The following ANO10 variants were observed in gnomAD, a reference collection of about 807,000 sequenced individuals.
ANO10 encodes anoctamin-10.
Under a neutral mutation model 74.7 loss-of-function variants are expected in ANO10, and 77 were observed. That is an observed-to-expected ratio of 1.03 (90% CI 0.86 to 1.25). The LOEUF (loss-of-function observed/expected upper bound fraction) is 1.25. Ranked by LOEUF, ANO10 falls within the 50% of genes most tolerant of loss-of-function variation. The probability of loss-of-function intolerance (pLI) is 0.00; values close to 1 mark genes in which losing one functional copy is unlikely to be tolerated. For synonymous variants in ANO10, 279 were observed against 284.9 expected, an observed-to-expected ratio of 0.98 and a Z score of 0.21; for missense variants, 721 against 778.1, an observed-to-expected ratio of 0.93 and a Z score of 0.87.
chr3:43,526,323 A>C (rs2078194657), intron 11 of ANO10, among the ~76,000 whole-genome samples: 1 of 152,190 alleles, frequency 6.6e-6, no homozygotes, highest in African/African-American at 2.4e-5. Flanking sequence ...CTGGATTTAG[A>C]TATGCAACAT....
chr3:43,636,240 A>ATAGGAGACACCTGCACATCAGTGTCAGTG (rs2083609530), intron 1 of ANO10: 1 of 152,266 alleles, frequency 6.6e-6, no homozygotes, highest in Non-Finnish European at 1.5e-5. Flanking sequence ...AGCAACCAGC[A>ATAGGAGACACCTGCACATCAGTGTCAGTG]TAGGAGACAC....
rs573514682 is a variant in ANO10 at position 43,635,961 on chromosome 3, G to A, written c.-11-30098C>T. 1.1e-3 allele frequency among the ~76,000 whole-genome samples: 161 copies of A among 151,694 alleles called. 1 individual carries two copies. Among genetic ancestry groups the A allele is most frequent in the African/African-American group, 3.5e-3 (145 of 41,346 alleles). ...CTTTGAGTGGTCCAATGTGTCAGAC[G>A]TTAGCATTTTTATATGGTGAATTCT... On this transcript the variant is annotated intron_variant, in intron 1 of 3. Transcript: ENST00000413397.
At chr3:43,441,042 G>C (rs1030980615) in intron 11 of ANO10, among the ~76,000 whole-genome samples, 1 of 151,772 alleles carries the variant, frequency 6.6e-6, no homozygotes, top group Admixed American at 6.6e-5. Flanking sequence ...ACATAGCAAC[G>C]ACAGTACTAA....
intron 12 of ANO10, among the ~76,000 whole-genome samples, chr3:43,387,375 C>T (rs1238619514): frequency 6.6e-6 from 1 of 152,158 alleles, no homozygotes; most frequent in Non-Finnish European, 1.5e-5. Flanking sequence ...CTTATCACTC[C>T]CATGTCTCCA....
At chr3:43,488,444 A>G (rs1234523030) in intron 11 of ANO10, among the ~76,000 whole-genome samples, 4 of 150,246 alleles carry the variant, frequency 2.7e-5, no homozygotes, top group African/African-American at 9.7e-5. Context: ...AATATCCAGA[A>G]TCTACAATGA....
rs567385028 is a variant in ANO10, at chr3:43,661,378, C to A, written c.-12+30139G>T. Among the ~76,000 whole-genome samples the A allele has an allele frequency of 5.8e-4, 88 of 151,986 alleles. 1 individual carries two copies. The highest frequency in any genetic ancestry group is 2.1e-3 in the African/African-American group (85 of 41,268). ...GCTGAAAGATTTTGTCATCACCAGG[C>A]CTGCCTTACAAGAGCTCCTGAAGGA... On this transcript the variant is annotated intron_variant, in intron 1 of 3. Transcript: ENST00000413397.
intron 11 of ANO10, among the ~76,000 whole-genome samples, chr3:43,464,745 A>G (rs1004425960): frequency 2.6e-5 from 4 of 152,214 alleles, no homozygotes; most frequent in Admixed American, 2.0e-4. Flanking sequence ...TTAACAGAAT[A>G]AAGAAGAACA....
chr3:43,384,313 T>C (rs1345201729), intron 12 of ANO10, among the ~76,000 whole-genome samples: 1 of 152,186 alleles, frequency 6.6e-6, no homozygotes, highest in Non-Finnish European at 1.5e-5. Flanking sequence ...CCCATGCTCA[T>C]GGATGGGTAG....
chr3:43,665,864 C>G (rs984283877), intron 1 of ANO10, among the ~76,000 whole-genome samples: 1 of 152,136 alleles, frequency 6.6e-6, no homozygotes, highest in Non-Finnish European at 1.5e-5. Flanking sequence ...ATGAAATGTT[C>G]AATTTAACAT....
chr3:43,661,116 G>A (rs1463816779), intron 1 of ANO10, among the ~76,000 whole-genome samples: 4 of 152,136 alleles, frequency 2.6e-5, no homozygotes, highest in African/African-American at 9.7e-5. Context: ...ATTCACCAAG[G>A]TTGAAATGAA....
At chr3:43,666,913 G>T (rs943907192) in intron 1 of ANO10, among the ~76,000 whole-genome samples, 36 of 152,024 alleles carry the variant, frequency 2.4e-4, no homozygotes, top group African/African-American at 8.7e-4. Context: ...TATATGATTT[G>T]ATTAATGTTA....
At chr3:43,633,245 A>G (rs1472833292) in intron 1 of ANO10, among the ~76,000 whole-genome samples, 1 of 152,238 alleles carries the variant, frequency 6.6e-6, no homozygotes, top group Non-Finnish European at 1.5e-5. Flanking sequence ...CATCAATATA[A>G]TATATAAACT....
At chr3:43,505,436 A>T (rs1473063082) in intron 11 of ANO10, among the ~76,000 whole-genome samples, 1 of 152,194 alleles carries the variant, frequency 6.6e-6, no homozygotes, top group East Asian at 1.9e-4. Flanking sequence ...ATCGACTAAG[A>T]AGCATGTGTT....
chr3:43,535,442 A>AT (rs1457095895), intron 11 of ANO10, among the ~76,000 whole-genome samples: 1 of 151,538 alleles, frequency 6.6e-6, no homozygotes, highest in Admixed American at 6.6e-5. Context: ...TATCCAGCTA[A>AT]TTTTTGTATT....
At chr3:43,477,028 A>G (rs1015954200) in intron 11 of ANO10, among the ~76,000 whole-genome samples, 2 of 152,186 alleles carry the variant, frequency 1.3e-5, no homozygotes, top group Non-Finnish European at 2.9e-5. Flanking sequence ...ATAGTTTTAA[A>G]AAATAAAGAC....
intron 8 of ANO10, among the ~76,000 whole-genome samples, chr3:43,564,196 G>C (rs6441781): frequency 0.78 from 118,075 of 151,836 alleles, 46,440 homozygotes; most frequent in East Asian, 0.89. Context: ...CCACACCCAG[G>C]TAACTTTTTG....
chr3:43,638,968 T>A (rs2083641883), intron 1 of ANO10: 1 of 152,292 alleles, frequency 6.6e-6, no homozygotes, highest in Non-Finnish European at 1.5e-5. Flanking sequence ...TGACTCAGGC[T>A]GGAGGGTCTG....
intron 1 of ANO10, among the ~76,000 whole-genome samples, chr3:43,664,482 A>T (rs1246959773): frequency 6.6e-6 from 1 of 152,216 alleles, no homozygotes; most frequent in Admixed American, 6.5e-5. Flanking sequence ...CAAAGACTTC[A>T]CATCTAAAAC....
At chr3:43,470,021 A>T (rs924472514) in intron 11 of ANO10, among the ~76,000 whole-genome samples, 3 of 152,234 alleles carry the variant, frequency 2.0e-5, no homozygotes, top group Admixed American at 2.0e-4. Context: ...GTTGTATTTT[A>T]AAAACTACAT....
Sources: allele counts gnomAD v4.1 joint callset (sites outside exome capture counted in the v4.1 genomes callset), GRCh38; gene constraint gnomAD v4.1.1; transcripts MANE v1.5; gene names NCBI Gene and HGNC (gene_info 2026-07-23, HGNC 2026-07-21).